Variants in PRC1 observed in about 807,000 individuals in gnomAD.
PRC1 encodes the protein protein regulator of cytokinesis 1.
PRC1 carries 54 observed loss-of-function variants against 91.2 expected under a neutral mutation model. The ratio of observed to expected loss-of-function variants is 0.59; its 90% CI spans 0.48 to 0.74. The LOEUF is 0.74. Among genes scored for constraint, PRC1 ranks in the 30% least tolerant of loss-of-function variants. The pLI is 0.00. For synonymous variants in PRC1, 275 were observed against 263.6 expected (o/e 1.04, Z -0.42); for missense variants, 727 against 746.2 (o/e 0.97, Z 0.30).
At chr15:90,968,449 G>C in intron 14 of PRC1, 7 of 985,634 alleles carry the variant, frequency 7.1e-6, no homozygotes, top group Non-Finnish European at 8.4e-6. Context: ...CCTCTTGCTA[G>C]TAAAATATTG....
At chr15:90,968,999 T>TA (rs2151417918) in intron 14 of PRC1, 80 bp downstream of exon 14, 1 of 1,608,910 alleles carries the variant, frequency 6.2e-7, no homozygotes, top group Non-Finnish European at 8.5e-7. Context: ...TTAGTTAGTG[T>TA]AGCCCTGTGC....
At position 90,979,736 on chromosome 15, in the gene PRC1, G is replaced by A. The variant is rs10520699; in HGVS notation, c.971-442C>T. ...GAGTCAAGCTCCTTTTGGCTCAAAC[G>A]TAGGCTCTGGCATTTACCATTATAT... On this transcript the variant is annotated intron_variant, in intron 7 of 14. Coordinates refer to ENST00000394249, the MANE Select transcript of PRC1 (RefSeq NM_003981.4). 0.085 allele frequency among the ~76,000 whole-genome samples: 12,870 copies of A among 152,206 alleles called. 742 individuals carry two copies. The highest frequency in any genetic ancestry group is 0.13 in the Non-Finnish European group (8,568 of 68,006).
rs1260103341 is a variant in PRC1, at chr15:90,974,583, A to C, written c.1350+2T>G. The C allele has an allele frequency of 6.2e-7, 1 of 1,613,452 alleles. No individual in the cohort carries two copies. The highest frequency in any genetic ancestry group is 8.5e-7 in the Non-Finnish European group (1 of 1,179,930). On this transcript the variant is annotated splice_donor_variant, in intron 10 of 14. Coordinates refer to ENST00000394249, the MANE Select transcript of PRC1 (RefSeq NM_003981.4). LOFTEE classifies it high-confidence loss of function. This position sits in a 1 kb window ranked among gnomAD's most constrained non-coding sequence, Gnocchi z 4.6. ...CCAATTTGCGTTCACGTTCACACTT[A>C]CTCTTTCCTGCTTGGCTCTCTCTTT...
intron 14 of PRC1, chr15:90,968,861 T>G (rs1416901902): frequency 2.2e-6 from 3 of 1,367,864 alleles, no homozygotes; most frequent in Non-Finnish European, 2.8e-6. Flanking sequence ...TGCCTGACTT[T>G]AGGGGCTGAG....
chr15:90,980,549 C>CAAAAA, intron 6 of PRC1, 160 bp from the exon 7 acceptor site: 1 of 830,648 alleles, frequency 1.2e-6, no homozygotes, highest in Non-Finnish European at 1.8e-6. Flanking sequence ...GACAGGGTCT[C>CAAAAA]ACTCTCTCGC....
chr15:90,990,927 C>T (rs1416904511), intron 1 of PRC1, among the ~76,000 whole-genome samples: 2 of 151,648 alleles, frequency 1.3e-5, no homozygotes, highest in Non-Finnish European at 2.9e-5. Flanking sequence ...TACAGGCACA[C>T]GGCACCACGC....
intron 11 of PRC1, among the ~76,000 whole-genome samples, chr15:90,971,655 G>A (rs528804371): frequency 1.3e-5 from 2 of 151,318 alleles, no homozygotes; most frequent in Non-Finnish European, 1.5e-5. Context: ...GAGGTCGGGA[G>A]TATGAGACCA....
rs1475427090 is a variant in PRC1 at position 90,966,911 on chromosome 15, T to A, written c.*220A>T. 1 of 574,540 alleles carries A rather than the reference T, an allele frequency of 1.7e-6. No homozygotes were observed. Among genetic ancestry groups the A allele is most frequent in the Non-Finnish European group, 3.1e-6 (1 of 322,112 alleles). 35.6% of individuals were successfully genotyped at this position (574,540 alleles called of 1,614,324 possible). A position where few individuals can be genotyped will look rare whatever the true frequency, so the allele number is the denominator to read the frequency against. On this transcript the variant is annotated 3_prime_UTR_variant, in exon 15 of 15. Coordinates refer to ENST00000394249, the MANE Select transcript of PRC1 (RefSeq NM_003981.4). The stretch of plus-strand genomic sequence containing the variant: ...AAATTTGCACTTCTTGCCATAAACT[T>A]TTCATGTATATAAGTCAAAACCAAG...
Position 90,974,666 on chromosome 15 carries a change from C to T in PRC1, c.1269G>A (p.Val423=). ...WEQEHSKAFM[V]NGQKFMEYVA... Reference sequence around the variant, plus strand: ...CATACTCCATGAATTTCTGCCCATTCACCATAAATGCCTTTGAATGTTCCT... The same window carrying T: ...CATACTCCATGAATTTCTGCCCATTTACCATAAATGCCTTTGAATGTTCCT... The change falls in exon 10 of 15, where the codon GTG becomes GTA. Residue 423 remains valine (V), a synonymous_variant. Transcript: ENST00000394249. The surrounding 1 kb of genome is among the most constrained non-coding windows in gnomAD (Gnocchi z 4.6). 14 of 1,614,238 alleles carry T rather than the reference C, an allele frequency of 8.7e-6. No homozygotes were observed. The highest frequency in any genetic ancestry group is 1.2e-5 in the Non-Finnish European group (14 of 1,180,042).
At chr15:90,990,113 G>A (rs1052889437) in intron 1 of PRC1, among the ~76,000 whole-genome samples, 18 of 152,006 alleles carry the variant, frequency 1.2e-4, no homozygotes, top group African/African-American at 3.6e-4. Flanking sequence ...CAAGACCGGC[G>A]GATCACGAGG....
intron 1 of PRC1, among the ~76,000 whole-genome samples, chr15:90,989,998 TG>T (rs1447087766): frequency 6.6e-6 from 1 of 152,056 alleles, no homozygotes; most frequent in Non-Finnish European, 1.5e-5. Context: ...CCGGAGTAGC[TG>T]GGACTACAGA....
chr15:90,971,847 G>A (rs1179443788), intron 11 of PRC1, among the ~76,000 whole-genome samples: 2 of 151,862 alleles, frequency 1.3e-5, no homozygotes, highest in Non-Finnish European at 2.9e-5. Context: ...GGCCAACAAA[G>A]TGAAACCCCA....
chr15:90,978,116 C>G (rs1190612442), intron 8 of PRC1, among the ~76,000 whole-genome samples: 1 of 152,162 alleles, frequency 6.6e-6, no homozygotes, highest in East Asian at 1.9e-4. Flanking sequence ...CCATCTGTGC[C>G]CTACACACCT....
chr15:90,993,675 AG>A (rs1448161030), intron 1 of PRC1, among the ~76,000 whole-genome samples: 1 of 152,144 alleles, frequency 6.6e-6, no homozygotes, highest in East Asian at 1.9e-4. Flanking sequence ...AACACCGCCT[AG>A]GAAGTTATTA....
Position 90,991,057 on chromosome 15 carries a change from G to A in PRC1, c.11+3350C>T, listed in dbSNP as rs111705550. ...CTCCCAAAGTGCTGGGATTACAGGC[G>A]TGAGCCACTGTGCCCGGCCCATAAT... On this transcript the variant is annotated intron_variant, in intron 1 of 14. Transcript: ENST00000394249. Among the ~76,000 whole-genome samples the A allele has an allele frequency of 4.7e-3, 708 of 151,968 alleles. 6 individuals are homozygous for A. Among genetic ancestry groups the A allele is most frequent in the African/African-American group, 0.016 (676 of 41,494 alleles).
chr15:90,989,182 C>G (rs1445974256), intron 1 of PRC1, among the ~76,000 whole-genome samples: 1 of 151,930 alleles, frequency 6.6e-6, no homozygotes, highest in African/African-American at 2.4e-5. Flanking sequence ...GAACTAGAAC[C>G]CTCAGACACT....
intron 1 of PRC1, 135 bp downstream of exon 1, chr15:90,994,272 G>C (rs973063309): frequency 7.2e-7 from 1 of 1,387,596 alleles, no homozygotes; most frequent in South Asian, 1.3e-5. Flanking sequence ...CAGCGCCCCC[G>C]GCCTCCCTCG....
In PRC1 at chr15:90,974,853, C is replaced by T. The variant is rs1162777835; in HGVS notation, c.1204-122G>A. On this transcript the variant is annotated intron_variant, in intron 9 of 14. Coordinates refer to ENST00000394249, the MANE Select transcript of PRC1 (RefSeq NM_003981.4). The surrounding 1 kb of genome is among the most constrained non-coding windows in gnomAD (Gnocchi z 4.6). Reference sequence around the variant, plus strand: ...GCATCATTAGCCTCATTTCAGGTAGCTGGGCCCACATGGGTACAGGTCAGA... The same window carrying T: ...GCATCATTAGCCTCATTTCAGGTAGTTGGGCCCACATGGGTACAGGTCAGA... The T allele has an allele frequency of 7.5e-6, 9 of 1,202,506 alleles. No individual in the cohort carries two copies. Among genetic ancestry groups the T allele is most frequent in the Admixed American group, 1.8e-5 (1 of 55,248 alleles). 74.5% of individuals were successfully genotyped at this position (1,202,506 alleles called of 1,614,324 possible).
At position 90,981,574 on chromosome 15, in the gene PRC1, A is replaced by G; in HGVS notation, c.597T>C (p.Asp199=). ...AGGCATCTTCGTCTTCACACACCACATCTCTTTCAAAGCTTGTGTCTGGGG... is the reference window on the plus strand; with the variant it reads ...AGGCATCTTCGTCTTCACACACCACGTCTCTTTCAAAGCTTGTGTCTGGGG... The part of the protein sequence containing the change: ...DHTPDTSFER[D]VVCEDEDAFC... The change falls in exon 5 of 15, where the codon GAT becomes GAC. Residue 199 remains aspartate, a synonymous_variant. Coordinates refer to ENST00000394249, the MANE Select transcript of PRC1 (RefSeq NM_003981.4). 1 of 1,614,074 alleles carries G rather than the reference A, an allele frequency of 6.2e-7. No homozygotes were observed. Among genetic ancestry groups the G allele is most frequent in the Non-Finnish European group, 8.5e-7 (1 of 1,180,018 alleles).
Sources: gnomAD v4.1 joint callset for allele counts (sites outside exome capture counted in the v4.1 genomes callset) on GRCh38, gnomAD v4.1.1 for gene constraint, Gnocchi (gnomAD v3.1) non-coding constraint, MANE v1.5 for transcripts, NCBI Gene and HGNC (gene_info 2026-07-23, HGNC 2026-07-21) for gene names.